SEMA6D: variants seen among roughly 807,000 people sequenced by gnomAD.
The protein encoded by SEMA6D is semaphorin 6D.
SEMA6D carries 35 observed loss-of-function variants against 106.6 expected under a neutral mutation model. The ratio of observed to expected loss-of-function variants is 0.33; its 90% CI spans 0.25 to 0.44. The LOEUF (loss-of-function observed/expected upper bound fraction) is 0.44. SEMA6D is among the 20% of genes least tolerant of loss of function. The pLI is 1.00. For synonymous variants in SEMA6D, 499 were observed against 487.7 expected, an observed-to-expected ratio of 1.02 and a Z score of -0.31; for missense variants, 1,185 against 1,345.9, an observed-to-expected ratio of 0.88 and a Z score of 1.87.
At chr15:47,330,423 C>T (rs1390917804) in intron 1 of SEMA6D, among the ~76,000 whole-genome samples, 1 of 152,126 alleles carries the variant, frequency 6.6e-6, no homozygotes, top group Non-Finnish European at 1.5e-5. Flanking sequence ...TGATGAGTCA[C>T]TGATGGATGG....
intron 1 of SEMA6D, among the ~76,000 whole-genome samples, chr15:47,250,244 C>T (rs2033435345): frequency 6.6e-6 from 1 of 151,928 alleles, no homozygotes; most frequent in Non-Finnish European, 1.5e-5. Flanking sequence ...GGATACAAGT[C>T]ACAGAAGTAG....
At chr15:47,314,547 G>A (rs1403795608) in intron 1 of SEMA6D, among the ~76,000 whole-genome samples, 5 of 120,566 alleles carry the variant, frequency 4.1e-5, no homozygotes, top group African/African-American at 5.8e-5. Flanking sequence ...GCAGTGAGCC[G>A]AGATCCCGCC....
At chr15:47,405,664 C>A (rs1209495118) in intron 1 of SEMA6D, among the ~76,000 whole-genome samples, 5 of 152,144 alleles carry the variant, frequency 3.3e-5, no homozygotes, top group African/African-American at 1.2e-4. Context: ...TGAAGGCGTG[C>A]CTCTTCTTTT....
chr15:47,277,269 C>G (rs62015682), intron 1 of SEMA6D, among the ~76,000 whole-genome samples: 2,611 of 152,196 alleles, frequency 0.017, 49 homozygotes, highest in African/African-American at 0.02. Context: ...TGGCAGATTT[C>G]AGAAGATTGA....
intron 3 of SEMA6D, among the ~76,000 whole-genome samples, chr15:47,577,787 C>T (rs1017456954): frequency 1.6e-4 from 25 of 152,348 alleles, no homozygotes; most frequent in African/African-American, 5.3e-4. Flanking sequence ...AACCTGTTCT[C>T]TGCCTCAGCA....
chr15:47,505,793 G>A (rs2141679288), intron 3 of SEMA6D, among the ~76,000 whole-genome samples: 1 of 152,264 alleles, frequency 6.6e-6, no homozygotes, highest in Non-Finnish European at 1.5e-5. Context: ...GTTATAACTG[G>A]ATCATCCGTT....
At chr15:47,520,706 A>T (rs1045338092) in intron 3 of SEMA6D, among the ~76,000 whole-genome samples, 1 of 152,198 alleles carries the variant, frequency 6.6e-6, no homozygotes, top group African/African-American at 2.4e-5. Context: ...ATGGTGTGAG[A>T]CAGAAGAGTG....
chr15:47,702,240 T>C (rs748549769), intron 4 of SEMA6D, among the ~76,000 whole-genome samples: 4 of 152,078 alleles, frequency 2.6e-5, no homozygotes, highest in Non-Finnish European at 5.9e-5. Flanking sequence ...CCAAAGAAGA[T>C]ATACAGATAG....
intron 4 of SEMA6D, among the ~76,000 whole-genome samples, chr15:47,674,719 G>C (rs2078208147): frequency 6.6e-6 from 1 of 152,194 alleles, no homozygotes; most frequent in Non-Finnish European, 1.5e-5. Context: ...GAAAGGGCTG[G>C]CAGCTGGAGG....
intron 3 of SEMA6D, among the ~76,000 whole-genome samples, chr15:47,579,399 C>T (rs2076216264): frequency 6.6e-6 from 1 of 152,122 alleles, no homozygotes; most frequent in Non-Finnish European, 1.5e-5. Flanking sequence ...ACCTAGGCCT[C>T]CCAAAGTGCT....
At chr15:47,232,309 C>T (rs749923357) in intron 1 of SEMA6D, among the ~76,000 whole-genome samples, 19 of 151,956 alleles carry the variant, frequency 1.3e-4, no homozygotes, top group Middle Eastern at 6.8e-3. Flanking sequence ...CTGTAATAAA[C>T]ATTTGTGGTG....
intron 1 of SEMA6D, among the ~76,000 whole-genome samples, chr15:47,374,986 G>T (rs1184653118): frequency 6.6e-6 from 1 of 152,120 alleles, no homozygotes; most frequent in Non-Finnish European, 1.5e-5. Context: ...TCTTTTTCTT[G>T]TTTCCCACAG....
intron 4 of SEMA6D, among the ~76,000 whole-genome samples, chr15:47,624,615 A>G (rs2077169963): frequency 6.6e-6 from 1 of 152,238 alleles, no homozygotes. Flanking sequence ...AAGAACACAA[A>G]TCTTGTAACA....
chr15:47,482,267 G>A (rs2043173638), intron 3 of SEMA6D, among the ~76,000 whole-genome samples: 1 of 152,134 alleles, frequency 6.6e-6, no homozygotes, highest in Non-Finnish European at 1.5e-5. Flanking sequence ...TTATATTAAA[G>A]ATAGTAAAGA....
intron 4 of SEMA6D, among the ~76,000 whole-genome samples, chr15:47,651,685 A>G (rs1280793264): frequency 6.6e-6 from 1 of 152,226 alleles, no homozygotes; most frequent in Non-Finnish European, 1.5e-5. Context: ...GCTACATCTG[A>G]TACTCGATTC....
At chr15:47,580,178 G>A (rs1276276944) in intron 3 of SEMA6D, among the ~76,000 whole-genome samples, 2 of 152,148 alleles carry the variant, frequency 1.3e-5, no homozygotes, top group Non-Finnish European at 2.9e-5. Flanking sequence ...ATGGAGCGGA[G>A]GGACAGGAGC....
chr15:47,399,941 T>G (rs2040343060), intron 1 of SEMA6D, among the ~76,000 whole-genome samples: 2 of 152,178 alleles, frequency 1.3e-5, no homozygotes, highest in South Asian at 2.1e-4. Context: ...CTGCAAAGTG[T>G]TGTTGGATCC....
chr15:47,404,291 G>A (rs2040489126), intron 1 of SEMA6D, among the ~76,000 whole-genome samples: 1 of 152,132 alleles, frequency 6.6e-6, no homozygotes, highest in African/African-American at 2.4e-5. Context: ...AAAAATAAAT[G>A]TTACCATTTA....
chr15:47,728,885 G>A (rs1014072181), intron 1 of SEMA6D, among the ~76,000 whole-genome samples: 1 of 152,158 alleles, frequency 6.6e-6, no homozygotes, highest in African/African-American at 2.4e-5. Context: ...GGACCCTTGT[G>A]GTTAGCTTCG....
Sources: allele counts gnomAD v4.1 joint callset (sites outside exome capture counted in the v4.1 genomes callset), GRCh38; gene constraint gnomAD v4.1.1; transcripts MANE v1.5; gene names NCBI Gene and HGNC (gene_info 2026-07-23, HGNC 2026-07-21).